Variants in TMEM135 observed in about 807,000 individuals in gnomAD.
The protein encoded by TMEM135 is peroxisomal membrane protein 52.
In TMEM135, 30 loss-of-function variants were observed where a neutral mutation model predicts 60.3. That is an observed-to-expected ratio of 0.50 (90% confidence interval 0.37 to 0.68). The LOEUF is 0.68. Ranked by LOEUF, TMEM135 falls within the 30% of genes least tolerant of loss-of-function variation. The pLI is 0.00. For missense variants in TMEM135, 468 were observed against 548.8 expected, an observed-to-expected ratio of 0.85 and a Z score of 1.47; for synonymous variants, 190 against 186.7, an observed-to-expected ratio of 1.02 and a Z score of -0.14.
At chr11:87,171,258 A>C (rs1337767283) in intron 5 of TMEM135, among the ~76,000 whole-genome samples, 1 of 152,106 alleles carries the variant, frequency 6.6e-6, no homozygotes, top group Non-Finnish European at 1.5e-5. Context: ...GCTCATTCAT[A>C]CATCAAAACA....
rs759949732 is a variant in TMEM135, at chr11:87,327,782, T to G, written c.*6449T>G. On this transcript the variant is annotated 3_prime_UTR_variant, in exon 15 of 15. Coordinates refer to ENST00000305494, the MANE Select transcript of TMEM135 (RefSeq NM_022918.4). ...ACCTGGGGGTGGGATGGGGGAGTGA[T>G]AGTTTTAAGTCCTGGAGTCCCAAGG... The G allele has an allele frequency of 6.6e-6, 3 of 453,950 alleles. No homozygotes were observed. Among genetic ancestry groups the G allele is most frequent in the Non-Finnish European group, 1.3e-5 (3 of 226,752 alleles). 28.1% of individuals were successfully genotyped at this position (453,950 alleles called of 1,614,324 possible).
chr11:87,176,533 G>A (rs372066971), intron 5 of TMEM135, among the ~76,000 whole-genome samples: 3 of 152,206 alleles, frequency 2.0e-5, no homozygotes, highest in African/African-American at 7.2e-5. Context: ...GGTTCAGTAG[G>A]GATGTGGCAG....
intron 1 of TMEM135, among the ~76,000 whole-genome samples, chr11:87,041,701 C>G (rs1191672990): frequency 6.6e-6 from 1 of 152,134 alleles, no homozygotes; most frequent in Non-Finnish European, 1.5e-5. Context: ...TGTATTTAGA[C>G]TAGTGTAGTA....
chr11:87,090,100 C>T (rs1261112458), intron 3 of TMEM135, among the ~76,000 whole-genome samples: 1 of 152,052 alleles, frequency 6.6e-6, no homozygotes, highest in Non-Finnish European at 1.5e-5. Context: ...AGGAGAGATT[C>T]CTAGGAGTGT....
intron 10 of TMEM135, among the ~76,000 whole-genome samples, chr11:87,310,250 T>G (rs575731724): frequency 1.4e-4 from 22 of 152,274 alleles, no homozygotes; most frequent in Non-Finnish European, 2.6e-4. Flanking sequence ...CATACATATA[T>G]AAGCCCACGC....
intron 4 of TMEM135, among the ~76,000 whole-genome samples, chr11:87,129,331 C>T (rs1937839348): frequency 7.3e-6 from 1 of 136,098 alleles, no homozygotes; most frequent in Non-Finnish European, 1.6e-5. Flanking sequence ...CAACCTCTGC[C>T]TCCCAGGTTC....
At chr11:87,129,213 A>ATTTTTTTTTTTTTTTTTTTTTTTTTT (rs71040295) in intron 4 of TMEM135, among the ~76,000 whole-genome samples, 6 of 116,266 alleles carry the variant, frequency 5.2e-5, no homozygotes, top group Non-Finnish European at 9.4e-5. Flanking sequence ...TTATTCCTTA[A>ATTTTTTTTTTTTTTTTTTTTTTTTTT]TTTTTTTTTT....
At chr11:87,134,039 T>C (rs1159542659) in intron 4 of TMEM135, among the ~76,000 whole-genome samples, 1 of 150,982 alleles carries the variant, frequency 6.6e-6, no homozygotes, top group African/African-American at 2.4e-5. Flanking sequence ...TCCCTAGGGG[T>C]GCTGGTTATA....
At chr11:87,091,236 T>C (rs1857198876) in intron 3 of TMEM135, 126 bp from the exon 4 acceptor site, 1 of 785,852 alleles carries the variant, frequency 1.3e-6, no homozygotes, top group Non-Finnish European at 2.0e-6. Flanking sequence ...TTACCTGTTT[T>C]TCTAAGATAC....
At chr11:87,075,386 C>G (rs1425379724) in intron 3 of TMEM135, among the ~76,000 whole-genome samples, 1 of 152,030 alleles carries the variant, frequency 6.6e-6, no homozygotes, top group African/African-American at 2.4e-5. Flanking sequence ...GATCTCCGGA[C>G]CTCGTGATCT....
At chr11:87,157,048 A>C (rs1289732912) in intron 4 of TMEM135, among the ~76,000 whole-genome samples, 2 of 146,134 alleles carry the variant, frequency 1.4e-5, no homozygotes, top group African/African-American at 5.0e-5. Context: ...GTTGCGTTGC[A>C]TTTCTTTTCT....
At chr11:87,044,522 C>A (rs1258452212) in intron 1 of TMEM135, among the ~76,000 whole-genome samples, 1 of 152,014 alleles carries the variant, frequency 6.6e-6, no homozygotes, top group East Asian at 1.9e-4. Flanking sequence ...TGTGCATAAT[C>A]CCTCTTTGAT....
rs570280104 is a variant in TMEM135 at position 87,197,034 on chromosome 11, T to C, written c.463-39604T>C. On this transcript the variant is annotated intron_variant, in intron 5 of 14. Coordinates refer to ENST00000305494, the MANE Select transcript of TMEM135 (RefSeq NM_022918.4). Reference sequence around the variant, plus strand: ...AATGAAAAAAAATTAGCAAAACTTATAGTACCAAAATAAAGGAAATTCAGA... The same window carrying C: ...AATGAAAAAAAATTAGCAAAACTTACAGTACCAAAATAAAGGAAATTCAGA... Among the ~76,000 whole-genome samples, 46 of 152,204 alleles carry C rather than the reference T, an allele frequency of 3.0e-4. 1 individual carries two copies. In the South Asian group the frequency reaches 9.1e-3, roughly 30 times the overall value.
intron 6 of TMEM135, among the ~76,000 whole-genome samples, chr11:87,244,918 T>C (rs1376358939): frequency 7.4e-4 from 112 of 151,468 alleles, no homozygotes; most frequent in African/African-American, 2.6e-3. Flanking sequence ...GCTCTTGCTT[T>C]TCTAGTTCTT....
chr11:87,228,367 G>A (rs1411585639), intron 5 of TMEM135, among the ~76,000 whole-genome samples: 2 of 152,164 alleles, frequency 1.3e-5, no homozygotes, highest in Admixed American at 1.3e-4. Context: ...CTCCTTTCAA[G>A]TTGCAGAGTT....
intron 5 of TMEM135, among the ~76,000 whole-genome samples, chr11:87,194,575 A>G (rs926183792): frequency 2.0e-5 from 3 of 152,136 alleles, no homozygotes; most frequent in African/African-American, 7.2e-5. Flanking sequence ...GTGTATATAC[A>G]GTGGAAAACT....
At chr11:87,156,997 A>G (rs1014618025) in intron 4 of TMEM135, among the ~76,000 whole-genome samples, 1 of 151,848 alleles carries the variant, frequency 6.6e-6, no homozygotes, top group Non-Finnish European at 1.5e-5. Context: ...GGTACAATTT[A>G]TAACTTCTAG....
chr11:87,287,192 T>C (rs1313828452), intron 6 of TMEM135, among the ~76,000 whole-genome samples: 5 of 152,206 alleles, frequency 3.3e-5, no homozygotes, highest in Non-Finnish European at 7.4e-5. Flanking sequence ...GAAGTACAAA[T>C]AGAGTAGCTC....
chr11:87,264,939 G>A (rs374553900), intron 6 of TMEM135, among the ~76,000 whole-genome samples: 9 of 151,960 alleles, frequency 5.9e-5, no homozygotes, highest in African/African-American at 1.9e-4. Context: ...TCTGAAATTA[G>A]TTGTAGAATA....
Sources: allele counts gnomAD v4.1 joint callset (sites outside exome capture counted in the v4.1 genomes callset), GRCh38; gene constraint gnomAD v4.1.1; transcripts MANE v1.5; gene names NCBI Gene and HGNC (gene_info 2026-07-23, HGNC 2026-07-21).